TAMM41: variants seen among roughly 807,000 people sequenced by gnomAD.
TAMM41 encodes TAM41 mitochondrial translocator assembly and maintenance homolog.
In TAMM41, 36 loss-of-function variants were observed where a neutral mutation model predicts 44.1. The ratio of observed to expected loss-of-function variants is 0.82; its 90% CI spans 0.63 to 1.08. TAMM41 has a LOEUF of 1.08. Among genes scored for constraint, TAMM41 ranks in the 50% least tolerant of loss-of-function variants. The probability of loss-of-function intolerance (pLI) is 0.00; values close to 1 mark genes in which losing one functional copy is unlikely to be tolerated. For synonymous variants in TAMM41, 164 were observed against 153.1 expected, an observed-to-expected ratio of 1.07 and a Z score of -0.53; for missense variants, 417 against 404.3, an observed-to-expected ratio of 1.03 and a Z score of -0.27.
At chr3:11,827,430 C>T (rs1233243009) in intron 4 of TAMM41, among the ~76,000 whole-genome samples, 1 of 151,664 alleles carries the variant, frequency 6.6e-6, no homozygotes, top group East Asian at 1.9e-4. Flanking sequence ...CTGCCTCAAC[C>T]TCGCAAGTAG....
At chr3:11,809,783 T>G (rs1009349634) in intron 5 of TAMM41, 101 bp from the exon 6 acceptor site, 15 of 1,210,802 alleles carry the variant, frequency 1.2e-5, no homozygotes, top group Non-Finnish European at 1.7e-5. Context: ...CAAACATATA[T>G]GCACCCACAC....
chr3:11,748,405 C>G, the TAMM41 span, among the ~76,000 whole-genome samples: 1 of 152,020 alleles, frequency 6.6e-6, no homozygotes, highest in Non-Finnish European at 1.5e-5. Context: ...GCTTCAGCCT[C>G]CGAGTAGCTG....
intron 1 of TAMM41, 123 bp from the exon 2 acceptor site, chr3:11,844,334 T>G: frequency 1.1e-6 from 1 of 872,754 alleles, no homozygotes; most frequent in South Asian, 1.9e-5. Flanking sequence ...GGTGCTGTCA[T>G]CAGAAATGTG....
the TAMM41 span, among the ~76,000 whole-genome samples, chr3:11,736,491 G>A: frequency 6.6e-6 from 1 of 152,198 alleles, no homozygotes; most frequent in Admixed American, 6.5e-5. Flanking sequence ...TTAAATCAAG[G>A]AAGACACAGT....
intron 3 of TAMM41, among the ~76,000 whole-genome samples, chr3:11,837,237 G>A (rs1027193937): frequency 6.6e-6 from 1 of 152,142 alleles, no homozygotes; most frequent in Non-Finnish European, 1.5e-5. Context: ...TCACTGTTGG[G>A]GGAGACACTC....
intron 7 of TAMM41, among the ~76,000 whole-genome samples, chr3:11,793,947 G>C (rs1189234728): frequency 6.6e-6 from 1 of 152,104 alleles, no homozygotes; most frequent in African/African-American, 2.4e-5. Context: ...TCTATATGGA[G>C]ATATTTCCTA....
intron 4 of TAMM41, among the ~76,000 whole-genome samples, chr3:11,820,705 A>G (rs1311687974): frequency 2.0e-5 from 3 of 152,252 alleles, no homozygotes; most frequent in African/African-American, 7.2e-5. Context: ...GCATCTGATC[A>G]TAACAATCAA....
At chr3:11,776,415 G>A in the TAMM41 span, among the ~76,000 whole-genome samples, 2 of 152,090 alleles carry the variant, frequency 1.3e-5, no homozygotes, top group Admixed American at 1.3e-4. Flanking sequence ...GGCCTCCAAA[G>A]TAGGTGGGAC....
At chr3:11,807,346 CT>C (rs762019553) in intron 7 of TAMM41, 1 of 1,463,256 alleles carries the variant, frequency 6.8e-7, no homozygotes, top group Non-Finnish European at 9.0e-7. Context: ...GACTTCTAAC[CT>C]CCCATAGAGA....
At chr3:11,818,852 C>A (rs950932854) in intron 4 of TAMM41, among the ~76,000 whole-genome samples, 2 of 149,028 alleles carry the variant, frequency 1.3e-5, no homozygotes, top group African/African-American at 5.0e-5. Context: ...GAGCCGAGAT[C>A]GCGCCACTGC....
the TAMM41 span, among the ~76,000 whole-genome samples, chr3:11,746,026 C>T: frequency 9.9e-5 from 15 of 152,234 alleles, no homozygotes; most frequent in Admixed American, 3.3e-4. Context: ...TTAGGCCGGG[C>T]GCGGTCGCTC....
intron 5 of TAMM41, chr3:11,811,522 T>C (rs2078085610): frequency 1.3e-5 from 2 of 152,344 alleles, no homozygotes; most frequent in Middle Eastern, 3.4e-3. Flanking sequence ...AGTGTAAAGA[T>C]AAAATACCAG....
chr3:11,817,794 A>G (rs2078342314), intron 4 of TAMM41, among the ~76,000 whole-genome samples: 1 of 152,220 alleles, frequency 6.6e-6, no homozygotes, highest in African/African-American at 2.4e-5. Context: ...CTTGATGAAT[A>G]TAATCTTATC....
chr3:11,807,612 G>A, intron 7 of TAMM41: 1 of 1,536,204 alleles, frequency 6.5e-7, no homozygotes, highest in Non-Finnish European at 8.7e-7. Context: ...CAGAAGGGCA[G>A]TAAAGCTTCC....
intron 3 of TAMM41, among the ~76,000 whole-genome samples, chr3:11,834,011 G>A (rs981737203): frequency 3.3e-5 from 5 of 152,178 alleles, no homozygotes; most frequent in African/African-American, 1.2e-4. Context: ...GAGAGGTTGA[G>A]GCAGGTGGAT....
At chr3:11,795,949 T>C (rs2124921749) in intron 7 of TAMM41, among the ~76,000 whole-genome samples, 1 of 152,302 alleles carries the variant, frequency 6.6e-6, no homozygotes, top group Non-Finnish European at 1.5e-5. Context: ...CTGATGAGAA[T>C]GATGTTATTC....
chr3:11,752,346 C>A, the TAMM41 span, among the ~76,000 whole-genome samples: 1 of 152,018 alleles, frequency 6.6e-6, no homozygotes, highest in Admixed American at 6.6e-5. Context: ...GGAAGGGGAC[C>A]CGAGTGGGTT....
intron 5 of TAMM41, among the ~76,000 whole-genome samples, chr3:11,813,197 A>G (rs1165959542): frequency 1.3e-5 from 2 of 152,146 alleles, no homozygotes; most frequent in Non-Finnish European, 2.9e-5. Context: ...CTCTGGAGAA[A>G]TTCTACAGAC....
the TAMM41 span, among the ~76,000 whole-genome samples, chr3:11,756,144 T>C: frequency 6.6e-6 from 1 of 152,228 alleles, no homozygotes; most frequent in African/African-American, 2.4e-5. Context: ...GCTCTGCACA[T>C]AGTAGGTGCT....
Sources: gnomAD v4.1 joint callset for allele counts (sites outside exome capture counted in the v4.1 genomes callset) on GRCh38, gnomAD v4.1.1 for gene constraint, MANE v1.5 for transcripts, NCBI Gene and HGNC (gene_info 2026-07-23, HGNC 2026-07-21) for gene names.